The following LRBA variants were observed in gnomAD, a reference collection of about 807,000 sequenced individuals.
The protein encoded by LRBA is LPS responsive beige-like anchor protein.
LRBA carries 176 observed loss-of-function variants against 330.0 expected under a neutral mutation model. The observed-to-expected ratio is 0.53, with a 90% CI of 0.47 to 0.60. LRBA has a LOEUF of 0.60. Among genes scored for constraint, LRBA ranks in the 20% least tolerant of loss-of-function variants. The probability of loss-of-function intolerance (pLI) is 0.00; values close to 1 mark genes in which losing one functional copy is unlikely to be tolerated. For synonymous variants in LRBA, 1,230 were observed against 1,193.0 expected (o/e 1.03, Z -0.64); for missense variants, 3,259 against 3,444.8 (o/e 0.95, Z 1.35).
At chr4:150,330,865 C>T (rs1733908922) in intron 48 of LRBA, among the ~76,000 whole-genome samples, 2 of 152,064 alleles carry the variant, frequency 1.3e-5, no homozygotes, top group South Asian at 4.2e-4. Flanking sequence ...AGCAAGCTAG[C>T]CAGGAACCCT....
intron 34 of LRBA, among the ~76,000 whole-genome samples, chr4:150,767,610 T>A (rs1377985023): frequency 2.7e-5 from 4 of 148,670 alleles, no homozygotes; most frequent in African/African-American, 1.0e-4. Context: ...ATACAAAAAT[T>A]AGCCGGGCAT....
chr4:150,933,555 T>C (rs926936305), intron 2 of LRBA, among the ~76,000 whole-genome samples: 7 of 152,132 alleles, frequency 4.6e-5, no homozygotes, highest in Admixed American at 1.3e-4. Flanking sequence ...CATAGACCTA[T>C]GCATGTGCTA....
Position 150,638,445 on chromosome 4 carries a change from C to CTTT in LRBA, c.5922-39315_5922-39314insAAA, listed in dbSNP as rs549841856. The stretch of plus-strand genomic sequence containing the variant: ...TCTTTTTGTTGGCTTAAAGATTTCT[C>CTTT]ACCTATATTTATGAGGGACCTCATT... On this transcript the variant is annotated intron_variant, in intron 37 of 56. Transcript: ENST00000651943. Among the ~76,000 whole-genome samples, 31 of 152,314 alleles carry CTTT rather than the reference C, an allele frequency of 2.0e-4. No homozygotes were observed. In the East Asian group the frequency reaches 6.0e-3, roughly 29 times the overall value.
chr4:150,655,583 G>C (rs1361043264), intron 37 of LRBA, among the ~76,000 whole-genome samples: 1 of 152,160 alleles, frequency 6.6e-6, no homozygotes, highest in African/African-American at 2.4e-5. Context: ...CACCTTTTTA[G>C]CAAGAGCAAT....
intron 2 of LRBA, among the ~76,000 whole-genome samples, chr4:151,000,213 G>C (rs1421177001): frequency 2.0e-5 from 3 of 152,096 alleles, no homozygotes; most frequent in African/African-American, 4.8e-5. Flanking sequence ...ATTGTAAGTT[G>C]AAAAGTCAAA....
chr4:150,312,218 T>C (rs571885322), intron 51 of LRBA, among the ~76,000 whole-genome samples: 12 of 152,244 alleles, frequency 7.9e-5, no homozygotes, highest in African/African-American at 2.6e-4. Flanking sequence ...AGCAAGTGCT[T>C]ACTTGTAATT....
chr4:150,312,967 A>G lies in LRBA; in HGVS notation c.7694-2583T>C, dbSNP rs534642458. On this transcript the variant is annotated intron_variant, in intron 51 of 56. Transcript: ENST00000651943. ...TTTTATGTAAATAAACATTTATTAA[A>G]CTTTATAATATAATTAAATAAATAC... Among the ~76,000 whole-genome samples the G allele has an allele frequency of 3.3e-5, 5 of 151,950 alleles. No individual in the cohort carries two copies. The South Asian group carries it at 1.0e-3, about 31-fold the overall frequency.
intron 17 of LRBA, among the ~76,000 whole-genome samples, chr4:150,892,309 T>C (rs1235661075): frequency 3.3e-5 from 5 of 152,210 alleles, no homozygotes; most frequent in South Asian, 2.1e-4. Flanking sequence ...AAAATTCTTA[T>C]GTTGAAGCCC....
rs145842549 is a variant in LRBA, at chr4:150,395,201, C to T, written c.7194+20237G>A. ...AATTATCATCTATCCTATTATTTAC[C>T]TTAATATATTTAAATTCCATATTAA... On this transcript the variant is annotated intron_variant, in intron 47 of 56. Coordinates refer to ENST00000651943, the MANE Select transcript of LRBA (RefSeq NM_001364905.1). 1.5e-3 allele frequency among the ~76,000 whole-genome samples: 230 copies of T among 152,028 alleles called. 4 individuals carry two copies. Among genetic ancestry groups the T allele is most frequent in the African/African-American group, 5.4e-3 (225 of 41,484 alleles).
At chr4:150,453,197 G>A (rs1009364630) in intron 44 of LRBA, among the ~76,000 whole-genome samples, 3 of 151,844 alleles carry the variant, frequency 2.0e-5, no homozygotes, top group Admixed American at 2.0e-4. Flanking sequence ...TTAACAGGAA[G>A]CAAAAAGCCT....
rs567182715 is a variant in LRBA at position 150,475,535 on chromosome 4, G to A, written c.6552-3796C>T. The stretch of plus-strand genomic sequence containing the variant: ...ATTCTGTTTTTCTAAGAATTTGTCC[G>A]TATCATTTAAGTATCTAATTTGTTG... On this transcript the variant is annotated intron_variant, in intron 42 of 56. Coordinates refer to ENST00000651943, the MANE Select transcript of LRBA (RefSeq NM_001364905.1). 1.4e-4 allele frequency among the ~76,000 whole-genome samples: 21 copies of A among 152,076 alleles called. No individual in the cohort carries two copies. The South Asian group carries it at 2.5e-3, about 18-fold the overall frequency.
intron 34 of LRBA, among the ~76,000 whole-genome samples, chr4:150,773,904 C>T (rs1171192693): frequency 2.0e-5 from 3 of 152,190 alleles, no homozygotes; most frequent in Non-Finnish European, 4.4e-5. Context: ...CTCTTGGACT[C>T]ATTGTCACTT....
At chr4:150,466,726 G>A (rs1396347052) in intron 44 of LRBA, among the ~76,000 whole-genome samples, 1 of 151,918 alleles carries the variant, frequency 6.6e-6, no homozygotes, top group Non-Finnish European at 1.5e-5. Context: ...GAAAAAGACT[G>A]GATATTCCAC....
chr4:150,522,892 C>T (rs1232091612), intron 40 of LRBA, among the ~76,000 whole-genome samples: 3 of 152,220 alleles, frequency 2.0e-5, no homozygotes, highest in Non-Finnish European at 4.4e-5. Context: ...AGAGCCCCCA[C>T]TAGGGCAATG....
chr4:150,460,926 T>C (rs2152049183), intron 44 of LRBA, among the ~76,000 whole-genome samples: 1 of 152,004 alleles, frequency 6.6e-6, no homozygotes, highest in East Asian at 1.9e-4. Flanking sequence ...CTTCATTTTA[T>C]TCTTTCACAT....
intron 34 of LRBA, among the ~76,000 whole-genome samples, chr4:150,775,805 G>GAAAAAA (rs35161747): frequency 4.0e-4 from 24 of 59,974 alleles, no homozygotes; most frequent in African/African-American, 4.9e-4. Context: ...AAGAAAGAAT[G>GAAAAAA]AAAAAAAAAA....
intron 37 of LRBA, among the ~76,000 whole-genome samples, chr4:150,648,039 A>C (rs1162801991): frequency 3.3e-5 from 5 of 151,266 alleles, no homozygotes; most frequent in Admixed American, 2.7e-4. Context: ...TGTTTAGGAC[A>C]TAAGGCAAAT....
At chr4:150,644,080 T>TA (rs1229134445) in intron 37 of LRBA, among the ~76,000 whole-genome samples, 2 of 151,922 alleles carry the variant, frequency 1.3e-5, no homozygotes. Flanking sequence ...CCCATGGTAT[T>TA]AAAACATAAA....
intron 17 of LRBA, among the ~76,000 whole-genome samples, chr4:150,881,233 C>A (rs1433066281): frequency 6.6e-6 from 1 of 152,170 alleles, no homozygotes; most frequent in Non-Finnish European, 1.5e-5. Context: ...TATTACAGCA[C>A]TAATCACAAC....
Sources: allele counts gnomAD v4.1 joint callset (sites outside exome capture counted in the v4.1 genomes callset), GRCh38; gene constraint gnomAD v4.1.1; transcripts MANE v1.5; gene names NCBI Gene and HGNC (gene_info 2026-07-23, HGNC 2026-07-21).